Variants in CADM2 observed in about 807,000 individuals in gnomAD.
The protein encoded by CADM2 is cell adhesion molecule 2, also known as immunoglobulin superfamily member 4D.
CADM2 carries 12 observed loss-of-function variants against 49.8 expected under a neutral mutation model. That is an observed-to-expected ratio of 0.24 (90% CI 0.15 to 0.39). CADM2 has a LOEUF of 0.39. Ranked by LOEUF, CADM2 falls within the 10% of genes least tolerant of loss-of-function variation. The pLI is 1.00. For synonymous variants in CADM2, 214 were observed against 175.4 expected (o/e 1.22, Z -1.74); for missense variants, 378 against 492.3 (o/e 0.77, Z 2.20).
At chr3:85,405,816 TAGAA>T (rs2035346246) in intron 1 of CADM2, among the ~76,000 whole-genome samples, 1 of 151,888 alleles carries the variant, frequency 6.6e-6, no homozygotes, top group Non-Finnish European at 1.5e-5. Context: ...AATTTTTAAA[TAGAA>T]AGAGATTCTA....
chr3:85,410,114 A>G (rs147044599), intron 1 of CADM2, among the ~76,000 whole-genome samples: 1 of 152,198 alleles, frequency 6.6e-6, no homozygotes, highest in Non-Finnish European at 1.5e-5. Flanking sequence ...AGTTTGGTCC[A>G]GCGGTTAGAA....
intron 8 of CADM2, among the ~76,000 whole-genome samples, chr3:86,049,512 C>T (rs779580251): frequency 3.3e-5 from 5 of 152,014 alleles, no homozygotes; most frequent in South Asian, 2.1e-4. Flanking sequence ...CTGACCTCCT[C>T]GGCCTCCCAA....
chr3:85,433,320 A>T (rs2107526609), intron 1 of CADM2, among the ~76,000 whole-genome samples: 1 of 152,218 alleles, frequency 6.6e-6, no homozygotes, highest in South Asian at 2.1e-4. Context: ...ATATGTATAT[A>T]TTCATTTATC....
chr3:85,015,580 A>G (rs866967578), intron 1 of CADM2, among the ~76,000 whole-genome samples: 6 of 152,216 alleles, frequency 3.9e-5, no homozygotes, highest in Non-Finnish European at 7.3e-5. Flanking sequence ...TACAAAAATG[A>G]TTAATATAAT....
At chr3:85,413,698 G>A (rs996740915) in intron 1 of CADM2, among the ~76,000 whole-genome samples, 1 of 152,086 alleles carries the variant, frequency 6.6e-6, no homozygotes, top group Non-Finnish European at 1.5e-5. Context: ...AGCACAGGGG[G>A]AAATCCACCC....
chr3:85,880,144 T>C (rs892473557), intron 3 of CADM2, among the ~76,000 whole-genome samples: 5 of 152,194 alleles, frequency 3.3e-5, no homozygotes, highest in African/African-American at 1.2e-4. Context: ...TGTGCGTTTC[T>C]TAGTGGTTGC....
chr3:85,810,196 T>G (rs2072763235), intron 3 of CADM2, among the ~76,000 whole-genome samples: 1 of 152,102 alleles, frequency 6.6e-6, no homozygotes, highest in East Asian at 1.9e-4. Flanking sequence ...AAGGGATAGA[T>G]GTATGAAAAT....
At chr3:85,432,470 C>T (rs2036726571) in intron 1 of CADM2, among the ~76,000 whole-genome samples, 1 of 152,028 alleles carries the variant, frequency 6.6e-6, no homozygotes, top group Non-Finnish European at 1.5e-5. Context: ...ACCCTCAAAT[C>T]GTGAGAAGGG....
chr3:85,944,681 G>C (rs1417463427), intron 7 of CADM2, among the ~76,000 whole-genome samples: 1 of 151,984 alleles, frequency 6.6e-6, no homozygotes, highest in African/African-American at 2.4e-5. Context: ...TGACTACTGG[G>C]TACATAATGA....
At chr3:85,129,169 T>C (rs914926523) in intron 1 of CADM2, among the ~76,000 whole-genome samples, 8 of 152,170 alleles carry the variant, frequency 5.3e-5, no homozygotes, top group East Asian at 3.9e-4. Context: ...TAAGTTAAAG[T>C]AGCTCAACAG....
chr3:85,138,915 T>A lies in CADM2; in HGVS notation c.61+179247T>A, dbSNP rs144092593. Among the ~76,000 whole-genome samples, 117 of 152,316 alleles carry A rather than the reference T, an allele frequency of 7.7e-4. 1 individual carries two copies. Among genetic ancestry groups the A allele is most frequent in the African/African-American group, 2.7e-3 (112 of 41,586 alleles). Reference sequence around the variant, plus strand: ...GATTCTAAAGGCCAGCTAGGTGTGATTTCCTTAATCTGCATTTAGGAAGAT... The same window carrying A: ...GATTCTAAAGGCCAGCTAGGTGTGAATTCCTTAATCTGCATTTAGGAAGAT... On this transcript the variant is annotated intron_variant, in intron 1 of 9. Transcript: ENST00000383699.
intron 1 of CADM2, among the ~76,000 whole-genome samples, chr3:85,583,334 G>T (rs1299818521): frequency 2.6e-5 from 4 of 152,164 alleles, no homozygotes; most frequent in Non-Finnish European, 4.4e-5. Flanking sequence ...TGCCAAAGGC[G>T]AACTTCACCA....
intron 6 of CADM2, among the ~76,000 whole-genome samples, chr3:85,915,942 TAA>T (rs1465108146): frequency 6.6e-6 from 1 of 152,036 alleles, no homozygotes; most frequent in East Asian, 1.9e-4. Flanking sequence ...TGTAGAAACC[TAA>T]GTTTGGTGAG....
At chr3:85,359,330 A>ATCTCT (rs2032134650) in intron 1 of CADM2, among the ~76,000 whole-genome samples, 2 of 152,052 alleles carry the variant, frequency 1.3e-5, no homozygotes, top group African/African-American at 4.8e-5. Context: ...AAAGCTGGAC[A>ATCTCT]GAGAAATTTT....
At chr3:85,116,497 A>T (rs1235279581) in intron 1 of CADM2, among the ~76,000 whole-genome samples, 3 of 152,222 alleles carry the variant, frequency 2.0e-5, no homozygotes, top group Non-Finnish European at 4.4e-5. Context: ...TAATATATTC[A>T]TTAATAAAAA....
intron 1 of CADM2, among the ~76,000 whole-genome samples, chr3:84,984,126 A>G (rs2032393992): frequency 6.6e-6 from 1 of 151,716 alleles, no homozygotes; most frequent in Non-Finnish European, 1.5e-5. Context: ...AGTGCTAATT[A>G]ATAAACTAAA....
At chr3:85,444,383 A>C (rs2037349181) in intron 1 of CADM2, among the ~76,000 whole-genome samples, 1 of 151,932 alleles carries the variant, frequency 6.6e-6, no homozygotes, top group Non-Finnish European at 1.5e-5. Context: ...TAAGTTGTCC[A>C]AACTCACCTC....
rs192944353 is a variant in CADM2, at chr3:85,083,875, T to C, written c.61+124207T>C. Among the ~76,000 whole-genome samples the C allele has an allele frequency of 2.1e-3, 314 of 152,232 alleles. 4 individuals are homozygous for C. Among genetic ancestry groups the C allele is most frequent in the Admixed American group, 0.017 (262 of 15,262 alleles). On this transcript the variant is annotated intron_variant, in intron 1 of 9. Coordinates refer to ENST00000383699, the MANE Select transcript of CADM2 (RefSeq NM_001167675.2). ...TATTCTACAGAAACAGAAAACAGTG[T>C]TAGCATTGAATTTAAGTTCCTATAG... is the stretch of plus-strand genomic sequence containing the variant.
chr3:85,779,156 A>AT, intron 2 of CADM2, among the ~76,000 whole-genome samples: 1 of 152,062 alleles, frequency 6.6e-6, no homozygotes, highest in Middle Eastern at 3.4e-3. Context: ...TATGGGGCAT[A>AT]TTTTTGGTCA....
Sources: allele counts gnomAD v4.1 joint callset (sites outside exome capture counted in the v4.1 genomes callset), GRCh38; gene constraint gnomAD v4.1.1; transcripts MANE v1.5; gene names NCBI Gene and HGNC (gene_info 2026-07-23, HGNC 2026-07-21).